Variants in CHSY3 observed in about 807,000 individuals in gnomAD.
CHSY3 encodes the protein N-acetylgalactosaminyl-proteoglycan 3-beta-glucuronosyltransferase 3.
Under a neutral mutation model 67.2 loss-of-function variants are expected in CHSY3, and 35 were observed. The observed-to-expected ratio is 0.52, with a 90% CI of 0.40 to 0.69. The LOEUF is 0.69. Ranked by LOEUF, CHSY3 falls within the 30% of genes least tolerant of loss-of-function variation. The pLI, the probability that CHSY3 is intolerant of heterozygous loss-of-function variation, is 0.00. For missense variants in CHSY3, 1,069 were observed against 1,138.5 expected (o/e 0.94, Z 0.88); for synonymous variants, 474 against 434.7 (o/e 1.09, Z -1.12).
intron 2 of CHSY3, among the ~76,000 whole-genome samples, chr5:129,996,200 A>G (rs1763533538): frequency 6.6e-6 from 1 of 152,174 alleles, no homozygotes; most frequent in African/African-American, 2.4e-5. Flanking sequence ...AGCTGTTATT[A>G]TGAGGAAATT....
intron 2 of CHSY3, among the ~76,000 whole-genome samples, chr5:130,124,183 A>G (rs1305359090): frequency 6.6e-6 from 1 of 152,102 alleles, no homozygotes; most frequent in Non-Finnish European, 1.5e-5. Context: ...CTCTTAAGTG[A>G]TAACAACAGG....
At chr5:130,113,174 T>G (rs918942076) in intron 2 of CHSY3, among the ~76,000 whole-genome samples, 2 of 152,100 alleles carry the variant, frequency 1.3e-5, no homozygotes, top group Non-Finnish European at 2.9e-5. Context: ...GGAAAGAATA[T>G]GAGACAGAAT....
In CHSY3 at chr5:129,905,153, G is replaced by A. The variant is rs763641654; in HGVS notation, c.324G>A (p.Pro108=). The A allele has an allele frequency of 6.5e-7, 1 of 1,528,730 alleles. No homozygotes were observed. The allele number at this position is 1,528,730 out of a possible 1,614,324, so 94.7% of individuals were successfully genotyped here. A position where few individuals can be genotyped will look rare whatever the true frequency, so the allele number is the denominator to read the frequency against. Residue 108 remains proline, a synonymous_variant, in exon 1 of 3, where the codon CCG becomes CCA. Transcript: ENST00000305031. The part of the protein sequence containing the change: ...FRSSPWQQPP[P]LQQRRRGREP... ...GCAGCCCCTGGCAGCAGCCACCTCC[G>A]CTGCAGCAGCGGCGGCGAGGACGCG...
intron 2 of CHSY3, among the ~76,000 whole-genome samples, chr5:129,987,254 G>A (rs1763232507): frequency 1.3e-5 from 2 of 152,216 alleles, no homozygotes; most frequent in South Asian, 4.2e-4. Flanking sequence ...AGGCCATATG[G>A]AGAAGATTAA....
At chr5:130,006,946 C>T (rs775200341) in intron 2 of CHSY3, among the ~76,000 whole-genome samples, 6 of 152,122 alleles carry the variant, frequency 3.9e-5, no homozygotes, top group Admixed American at 6.5e-5. Flanking sequence ...CACACTACCT[C>T]GGAATCTTGT....
intron 2 of CHSY3, among the ~76,000 whole-genome samples, chr5:130,079,027 T>C (rs1449216552): frequency 6.6e-6 from 1 of 152,180 alleles, no homozygotes; most frequent in Non-Finnish European, 1.5e-5. Context: ...TTATGAGGAT[T>C]GATGAGATTA....
chr5:129,995,795 T>A (rs10059504), intron 2 of CHSY3, among the ~76,000 whole-genome samples: 80,334 of 151,802 alleles, frequency 0.53, 21,668 homozygotes, highest in Non-Finnish European at 0.59. Context: ...ATACACAGGC[T>A]TTAAGATTAT....
At chr5:130,032,571 C>T (rs940164481) in intron 2 of CHSY3, among the ~76,000 whole-genome samples, 9 of 152,034 alleles carry the variant, frequency 5.9e-5, no homozygotes, top group Non-Finnish European at 1.2e-4. Flanking sequence ...TTGGAGAGAA[C>T]TCTGCTATGC....
chr5:130,137,420 G>A (rs1159539560), intron 2 of CHSY3, among the ~76,000 whole-genome samples: 1 of 151,820 alleles, frequency 6.6e-6, no homozygotes, highest in African/African-American at 2.4e-5. Context: ...ATATCTTCTT[G>A]GTTTTCAATC....
chr5:129,980,263 T>A (rs1302480657), intron 2 of CHSY3, among the ~76,000 whole-genome samples: 1 of 152,242 alleles, frequency 6.6e-6, no homozygotes, highest in African/African-American at 2.4e-5. Flanking sequence ...TTTAGTGTTA[T>A]CAGTGATCTG....
intron 2 of CHSY3, chr5:130,140,589 C>A: frequency 2.1e-6 from 1 of 472,298 alleles, no homozygotes; most frequent in Non-Finnish European, 3.7e-6. Context: ...AAGGTTGGAG[C>A]TGAAAGAAAC....
chr5:129,996,074 AG>A (rs1198802408), intron 2 of CHSY3, among the ~76,000 whole-genome samples: 3 of 152,140 alleles, frequency 2.0e-5, no homozygotes, highest in African/African-American at 4.8e-5. Context: ...TTTGTTATGA[AG>A]TTAGTGAATG....
At chr5:130,054,260 A>T (rs963725073) in intron 2 of CHSY3, among the ~76,000 whole-genome samples, 3 of 152,072 alleles carry the variant, frequency 2.0e-5, no homozygotes, top group African/African-American at 7.2e-5. Context: ...ATTTTTCTGA[A>T]AATTAGTTGA....
At chr5:129,952,455 T>C (rs1762049943) in intron 2 of CHSY3, among the ~76,000 whole-genome samples, 1 of 152,258 alleles carries the variant, frequency 6.6e-6, no homozygotes, top group African/African-American at 2.4e-5. Context: ...GTATTCATTT[T>C]GCTTTCAGAA....
At chr5:129,945,701 A>G (rs1216158353) in intron 2 of CHSY3, among the ~76,000 whole-genome samples, 1 of 152,136 alleles carries the variant, frequency 6.6e-6, no homozygotes, top group African/African-American at 2.4e-5. Flanking sequence ...AGGATTTCTC[A>G]CTTATTTTTT....
intron 2 of CHSY3, among the ~76,000 whole-genome samples, chr5:129,922,284 C>A (rs982486713): frequency 1.3e-5 from 2 of 152,162 alleles, no homozygotes; most frequent in Non-Finnish European, 2.9e-5. Context: ...TGGGTAATTC[C>A]GTAATAAACA....
At chr5:129,922,191 C>T (rs891315846) in intron 2 of CHSY3, among the ~76,000 whole-genome samples, 1 of 152,184 alleles carries the variant, frequency 6.6e-6, no homozygotes, top group African/African-American at 2.4e-5. Context: ...CTGAACAGTA[C>T]TCCATTGCAT....
At chr5:130,023,137 G>A (rs1764440599) in intron 2 of CHSY3, among the ~76,000 whole-genome samples, 1 of 151,878 alleles carries the variant, frequency 6.6e-6, no homozygotes, top group Admixed American at 6.6e-5. Flanking sequence ...CTTAGATAAT[G>A]AAACCTTCAA....
chr5:129,910,323 C>T (rs1261950062), intron 2 of CHSY3, among the ~76,000 whole-genome samples: 2 of 151,884 alleles, frequency 1.3e-5, no homozygotes, highest in African/African-American at 2.4e-5. Flanking sequence ...CTTATGAATC[C>T]GTATAAAACT....
Sources: gnomAD v4.1 joint callset for allele counts (sites outside exome capture counted in the v4.1 genomes callset) on GRCh38, gnomAD v4.1.1 for gene constraint, MANE v1.5 for transcripts, NCBI Gene and HGNC (gene_info 2026-07-23, HGNC 2026-07-21) for gene names.